DCDC2: variants seen among roughly 807,000 people sequenced by gnomAD.
DCDC2 encodes the protein doublecortin domain-containing protein 2.
Under a neutral mutation model 50.2 loss-of-function variants are expected in DCDC2, and 40 were observed. The ratio of observed to expected loss-of-function variants is 0.80; its 90% CI spans 0.62 to 1.04. The LOEUF (loss-of-function observed/expected upper bound fraction) is 1.04, where lower values mean the gene tolerates loss of function less well. Among genes scored for constraint, DCDC2 ranks in the 50% least tolerant of loss-of-function variants. The pLI, the probability that DCDC2 is intolerant of heterozygous loss-of-function variation, is 0.00. For synonymous variants in DCDC2, 234 were observed against 210.6 expected (o/e 1.11, Z -0.96); for missense variants, 570 against 581.9 (o/e 0.98, Z 0.21).
At chr6:24,257,453 A>C (rs907671332) in intron 7 of DCDC2, among the ~76,000 whole-genome samples, 1 of 152,148 alleles carries the variant, frequency 6.6e-6, no homozygotes, top group Non-Finnish European at 1.5e-5. Context: ...CAATTACAAC[A>C]CCTGCTGTTG....
intron 8 of DCDC2, among the ~76,000 whole-genome samples, chr6:24,192,141 G>C (rs758200063): frequency 6.6e-6 from 1 of 152,146 alleles, no homozygotes; most frequent in Admixed American, 6.6e-5. Context: ...TTAGGGAAAC[G>C]ACTCAAGTAT....
chr6:24,205,824 A>G (rs1761707718), intron 7 of DCDC2, among the ~76,000 whole-genome samples: 1 of 152,206 alleles, frequency 6.6e-6, no homozygotes, highest in African/African-American at 2.4e-5. Flanking sequence ...CTTCAGGCCA[A>G]GTAATCAAAG....
At chr6:24,203,132 C>T (rs1263005083) in intron 8 of DCDC2, among the ~76,000 whole-genome samples, 1 of 152,142 alleles carries the variant, frequency 6.6e-6, no homozygotes, top group East Asian at 1.9e-4. Flanking sequence ...TTGGAAAAAA[C>T]TACTTTAAAG....
chr6:24,264,953 A>T (rs1319838225), intron 7 of DCDC2, among the ~76,000 whole-genome samples: 1 of 152,160 alleles, frequency 6.6e-6, no homozygotes, highest in African/African-American at 2.4e-5. Context: ...TGGAAACCAT[A>T]AAAGAGCAAA....
At chr6:24,376,865 A>C in the DCDC2 span, among the ~76,000 whole-genome samples, 1 of 151,858 alleles carries the variant, frequency 6.6e-6, no homozygotes, top group African/African-American at 2.4e-5. Context: ...TTTACCCAGA[A>C]ATGCTGAGAT....
chr6:24,350,548 A>C (rs560566735), intron 2 of DCDC2, among the ~76,000 whole-genome samples: 1 of 152,252 alleles, frequency 6.6e-6, no homozygotes, highest in East Asian at 1.9e-4. Context: ...CATCACTGAA[A>C]ACTCAAAATT....
chr6:24,270,330 C>T (rs1329961320), intron 7 of DCDC2, among the ~76,000 whole-genome samples: 1 of 152,148 alleles, frequency 6.6e-6, no homozygotes, highest in African/African-American at 2.4e-5. Context: ...GTAAATGAAG[C>T]TTACAAAATA....
chr6:24,230,802 A>G (rs1410521747), intron 7 of DCDC2, among the ~76,000 whole-genome samples: 1 of 152,212 alleles, frequency 6.6e-6, no homozygotes. Flanking sequence ...TAGCTTTTTC[A>G]CTAAAAGAAC....
At chr6:24,224,820 A>G (rs1762193920) in intron 7 of DCDC2, among the ~76,000 whole-genome samples, 1 of 152,190 alleles carries the variant, frequency 6.6e-6, no homozygotes. Flanking sequence ...CACCCAGACT[A>G]TACAGACTGA....
chr6:24,310,370 A>C (rs746694672), intron 2 of DCDC2, among the ~76,000 whole-genome samples: 4 of 152,154 alleles, frequency 2.6e-5, no homozygotes, highest in Non-Finnish European at 5.9e-5. Context: ...TATGGTATCA[A>C]AGGAAAATAC....
intron 7 of DCDC2, among the ~76,000 whole-genome samples, chr6:24,206,475 C>T (rs1005970106): frequency 5.3e-5 from 8 of 152,130 alleles, no homozygotes; most frequent in Admixed American, 2.0e-4. Flanking sequence ...GAAAAACAAC[C>T]ATCATAGTCA....
At chr6:24,283,081 G>A (rs771648566) in intron 6 of DCDC2, among the ~76,000 whole-genome samples, 4 of 152,218 alleles carry the variant, frequency 2.6e-5, no homozygotes, top group Admixed American at 1.3e-4. Flanking sequence ...TCATTTAGTC[G>A]TTGGCTTTCA....
rs1245378720 is a variant in DCDC2 at position 24,172,315 on chromosome 6, G to A, written c.*2415C>T. On this transcript the variant is annotated 3_prime_UTR_variant, in exon 10 of 10. Coordinates refer to ENST00000378454, the MANE Select transcript of DCDC2 (RefSeq NM_016356.5). ...TCACAATTGTATCTTGTCAACAAGT[G>A]GTAAAATATGCACACACAAGGGATG... 1 of 152,134 alleles carries A rather than the reference G, an allele frequency of 6.6e-6. No individual in the cohort carries two copies. Among genetic ancestry groups the A allele is most frequent in the Non-Finnish European group, 1.5e-5 (1 of 68,026 alleles). 9.4% of individuals were successfully genotyped at this position (152,134 alleles called of 1,614,324 possible). A position where few individuals can be genotyped will look rare whatever the true frequency, so the allele number is the denominator to read the frequency against.
intron 6 of DCDC2, among the ~76,000 whole-genome samples, chr6:24,280,491 T>C (rs1011672633): frequency 2.0e-5 from 3 of 152,008 alleles, no homozygotes; most frequent in Non-Finnish European, 2.9e-5. Flanking sequence ...CCAAGTCTCA[T>C]AGTCCCTTTT....
intron 7 of DCDC2, among the ~76,000 whole-genome samples, chr6:24,250,010 G>A (rs913621612): frequency 6.6e-5 from 10 of 152,162 alleles, no homozygotes; most frequent in South Asian, 2.1e-4. Context: ...AGGCACTGAC[G>A]AGAGCAGTAT....
At chr6:24,209,974 C>A (rs889103946) in intron 7 of DCDC2, among the ~76,000 whole-genome samples, 5 of 151,632 alleles carry the variant, frequency 3.3e-5, no homozygotes, top group Admixed American at 2.0e-4. Flanking sequence ...TATTTATTAT[C>A]TCATTTACTT....
intron 7 of DCDC2, among the ~76,000 whole-genome samples, chr6:24,266,331 C>A (rs1478733101): frequency 6.6e-6 from 1 of 151,928 alleles, no homozygotes; most frequent in African/African-American, 2.4e-5. Flanking sequence ...TATGGGATCA[C>A]ATAAAGTTAA....
chr6:24,381,209 T>A, the DCDC2 span, among the ~76,000 whole-genome samples: 1 of 152,216 alleles, frequency 6.6e-6, no homozygotes, highest in Non-Finnish European at 1.5e-5. Flanking sequence ...AGCACATCTC[T>A]CATTTCACAT....
chr6:24,261,662 T>C (rs1471289418), intron 7 of DCDC2, among the ~76,000 whole-genome samples: 2 of 152,170 alleles, frequency 1.3e-5, no homozygotes, highest in African/African-American at 4.8e-5. Context: ...TCCTTCCTTA[T>C]TGACTTTTCT....
Sources: allele counts gnomAD v4.1 joint callset (sites outside exome capture counted in the v4.1 genomes callset), GRCh38; gene constraint gnomAD v4.1.1; transcripts MANE v1.5; gene names NCBI Gene and HGNC (gene_info 2026-07-23, HGNC 2026-07-21).